The following PRKAR2A variants were observed in gnomAD, a reference collection of about 807,000 sequenced individuals.
PRKAR2A encodes the protein protein kinase cAMP-dependent type II regulatory subunit alpha.
In PRKAR2A, 29 loss-of-function variants were observed where a neutral mutation model predicts 51.9. That is an observed-to-expected ratio of 0.56 (90% CI 0.42 to 0.76). The LOEUF (loss-of-function observed/expected upper bound fraction) is 0.76, where lower values mean the gene tolerates loss of function less well. PRKAR2A is among the 30% of genes least tolerant of loss of function. The pLI is 0.00. For missense variants in PRKAR2A, 445 were observed against 512.1 expected, an observed-to-expected ratio of 0.87 and a Z score of 1.26; for synonymous variants, 178 against 186.2, an observed-to-expected ratio of 0.96 and a Z score of 0.36.
At chr3:48,823,658 C>G (rs1051930816) in intron 1 of PRKAR2A, among the ~76,000 whole-genome samples, 1 of 150,468 alleles carries the variant, frequency 6.6e-6, no homozygotes, top group Non-Finnish European at 1.5e-5. Flanking sequence ...TGGTGGCGCA[C>G]GTCTGTGGTC....
intron 1 of PRKAR2A, among the ~76,000 whole-genome samples, chr3:48,836,419 TA>T (rs548970318): frequency 3.4e-3 from 193 of 56,056 alleles, no homozygotes; most frequent in African/African-American, 0.016. Context: ...AGACTCCGTC[TA>T]AAAAAAAAAA....
intron 1 of PRKAR2A, among the ~76,000 whole-genome samples, chr3:48,829,869 ATATTT>A (rs1296430821): frequency 3.9e-5 from 3 of 76,848 alleles, no homozygotes; most frequent in African/African-American, 1.8e-4. Flanking sequence ...ATATATATAT[ATATTT>A]TTTTTTTTTT....
chr3:48,803,283 A>C (rs943290453), intron 2 of PRKAR2A, among the ~76,000 whole-genome samples: 2 of 152,068 alleles, frequency 1.3e-5, no homozygotes, highest in Non-Finnish European at 2.9e-5. Context: ...GGTGGTGCAC[A>C]CTTGTCGTCC....
At chr3:48,842,562 G>A (rs2107469724) in intron 1 of PRKAR2A, among the ~76,000 whole-genome samples, 1 of 152,286 alleles carries the variant, frequency 6.6e-6, no homozygotes, top group Middle Eastern at 3.4e-3. Context: ...GTCACAGATA[G>A]CTCTTATTAT....
chr3:48,751,828 A>C (rs1575830904), intron 10 of PRKAR2A, 110 bp from the exon 11 acceptor site: 205 of 1,282,638 alleles, frequency 1.6e-4, no homozygotes, highest in Middle Eastern at 1.9e-4. Context: ...GCCTTGGGAC[A>C]CCAGCCACTT....
chr3:48,830,188 A>C (rs946825792), intron 1 of PRKAR2A, among the ~76,000 whole-genome samples: 26 of 151,218 alleles, frequency 1.7e-4, no homozygotes, highest in Non-Finnish European at 3.5e-4. Flanking sequence ...GGGCGACAAG[A>C]GCGAAGCTCC....
intron 2 of PRKAR2A, among the ~76,000 whole-genome samples, chr3:48,800,385 T>C (rs1385525353): frequency 1.3e-5 from 2 of 150,996 alleles, no homozygotes; most frequent in South Asian, 2.1e-4. Flanking sequence ...TGGTGGTGCA[T>C]GCCTGTAGTC....
At chr3:48,796,553 G>T (rs1178153825) in intron 2 of PRKAR2A, among the ~76,000 whole-genome samples, 1 of 152,032 alleles carries the variant, frequency 6.6e-6, no homozygotes, top group Non-Finnish European at 1.5e-5. Flanking sequence ...GGAGTGCAGT[G>T]GTGTAATCTT....
Position 48,829,588 on chromosome 3 carries a change from A to G in PRKAR2A, c.262+17747T>C, listed in dbSNP as rs1245445215. On this transcript the variant is annotated intron_variant, in intron 1 of 10. Transcript: ENST00000265563. Reference sequence around the variant, plus strand: ...TACACACATAAATATATATGTGTGTATATATACACACACATAAATGTGTGT... The same window carrying G: ...TACACACATAAATATATATGTGTGTGTATATACACACACATAAATGTGTGT... 3.2e-3 allele frequency among the ~76,000 whole-genome samples: 28 copies of G among 8,834 alleles called. 6 individuals are homozygous for G. The highest frequency in any genetic ancestry group is 0.021 in the Admixed American group (13 of 618). The allele number at this position is 8,834 out of a possible 152,430, so 5.8% of individuals were successfully genotyped here.
chr3:48,831,460 G>A (rs1212139480), intron 1 of PRKAR2A, among the ~76,000 whole-genome samples: 1 of 148,066 alleles, frequency 6.8e-6, no homozygotes, highest in African/African-American at 2.5e-5. Context: ...TTGACCTGCT[G>A]GGCTCAAGTT....
chr3:48,847,071 C>T lies in PRKAR2A; in HGVS notation c.262+264G>A, dbSNP rs529393578. 3.9e-5 allele frequency among the ~76,000 whole-genome samples: 6 copies of T among 152,230 alleles called. No homozygotes were observed. Among genetic ancestry groups the T allele is most frequent in the Non-Finnish European group, 7.3e-5 (5 of 68,044 alleles). ...AAGGCGAGGGATCCTCTAGCAGGGC[C>T]GACAGCGCGCACGTTTCCTTCAAGG... On this transcript the variant is annotated intron_variant, in intron 1 of 10. Transcript: ENST00000265563. This position sits in a 1 kb window ranked among gnomAD's most constrained non-coding sequence, Gnocchi z 4.4.
intron 6 of PRKAR2A, among the ~76,000 whole-genome samples, chr3:48,770,788 C>G (rs376892952): frequency 7.2e-5 from 11 of 152,162 alleles, no homozygotes; most frequent in Non-Finnish European, 1.6e-4. Context: ...CTGTGAACAC[C>G]CACCTTGTAC....
At chr3:48,770,299 C>A (rs147001846) in intron 6 of PRKAR2A, among the ~76,000 whole-genome samples, 2 of 152,282 alleles carry the variant, frequency 1.3e-5, no homozygotes, top group East Asian at 3.9e-4. Flanking sequence ...GAGTGCTACT[C>A]TCTCCTGTGA....
At chr3:48,817,235 G>A (rs910484615) in intron 1 of PRKAR2A, among the ~76,000 whole-genome samples, 50 of 152,154 alleles carry the variant, frequency 3.3e-4, no homozygotes, top group African/African-American at 1.2e-3. Flanking sequence ...GCTGAGGCAG[G>A]AGAATTGCTT....
chr3:48,836,419 T>TAAAATAAAAAAAAAAAAAAAAAAAA (rs1398288509), intron 1 of PRKAR2A, among the ~76,000 whole-genome samples: 1 of 56,136 alleles, frequency 1.8e-5, no homozygotes, highest in African/African-American at 9.0e-5. Flanking sequence ...AGACTCCGTC[T>TAAAATAAAAAAAAAAAAAAAAAAAA]AAAAAAAAAA....
intron 5 of PRKAR2A, among the ~76,000 whole-genome samples, chr3:48,781,562 G>A (rs1368102197): frequency 1.3e-5 from 2 of 151,960 alleles, no homozygotes; most frequent in African/African-American, 4.8e-5. Flanking sequence ...GCCCAGGCTG[G>A]TGTGCAGTGG....
intron 3 of PRKAR2A, 51 bp downstream of exon 3, chr3:48,793,946 G>A (rs1230871320): frequency 1.1e-5 from 15 of 1,399,314 alleles, no homozygotes; most frequent in Non-Finnish European, 1.4e-5. Context: ...GAGAAGGGGA[G>A]TTAATGAGAA....
At chr3:48,778,215 G>A (rs1049038463) in intron 5 of PRKAR2A, among the ~76,000 whole-genome samples, 19 of 151,700 alleles carry the variant, frequency 1.3e-4, no homozygotes, top group Admixed American at 2.0e-4. Flanking sequence ...GGCTAGTCTC[G>A]GACTCCTGGT....
chr3:48,805,963 A>T (rs1261862149), intron 2 of PRKAR2A, among the ~76,000 whole-genome samples: 1 of 152,202 alleles, frequency 6.6e-6, no homozygotes, highest in Non-Finnish European at 1.5e-5. Context: ...AGGAGGTATC[A>T]CTATAGTCTC....
Sources: allele counts gnomAD v4.1 joint callset (sites outside exome capture counted in the v4.1 genomes callset), GRCh38; gene constraint gnomAD v4.1.1; non-coding constraint Gnocchi (gnomAD v3.1); transcripts MANE v1.5; gene names NCBI Gene and HGNC (gene_info 2026-07-23, HGNC 2026-07-21).